The following USP6NL variants were observed in gnomAD, a reference collection of about 807,000 sequenced individuals.
The protein encoded by USP6NL is USP6 N-terminal-like protein.
Under a neutral mutation model 61.9 loss-of-function variants are expected in USP6NL, and 26 were observed. That is an observed-to-expected ratio of 0.42 (90% CI 0.31 to 0.58). The LOEUF is 0.58. USP6NL is among the 20% of genes least tolerant of loss of function. The pLI is 0.16. For missense variants in USP6NL, 1,114 were observed against 1,034.3 expected (o/e 1.08, Z -1.06); for synonymous variants, 432 against 390.1 (o/e 1.11, Z -1.27).
chr10:11,542,093 AAGTG>A (rs576521884), intron 2 of USP6NL, among the ~76,000 whole-genome samples: 198 of 152,298 alleles, frequency 1.3e-3, no homozygotes, highest in Non-Finnish European at 2.2e-3. Context: ...GCCAATCATT[AAGTG>A]AATGACAATC....
intron 7 of USP6NL, 59 bp from the exon 8 acceptor site, chr10:11,493,287 T>C: frequency 1.4e-6 from 2 of 1,397,410 alleles, no homozygotes; most frequent in Non-Finnish European, 2.0e-6. Context: ...TTGAAAACTC[T>C]ATGACAAATA....
intron 5 of USP6NL, among the ~76,000 whole-genome samples, chr10:11,514,165 GGC>G (rs1834852592): frequency 6.6e-6 from 1 of 151,250 alleles, no homozygotes. Context: ...TTTGAGACAG[GGC>G]GCATATCATG....
rs888719292 is a variant in USP6NL, at chr10:11,489,452, T to A, written c.544-230A>T. On this transcript the variant is annotated intron_variant, in intron 9 of 14. Transcript: ENST00000609104. This position sits in a 1 kb window ranked among gnomAD's most constrained non-coding sequence, Gnocchi z 5.7. ...AGTCTAAATTGCTACATATTTTTAT[T>A]GGACTCGGTCTTCAATACTGTCACA... 1.3e-5 allele frequency among the ~76,000 whole-genome samples: 2 copies of A among 152,250 alleles called. No individual in the cohort carries two copies. The highest frequency in any genetic ancestry group is 4.1e-4 in the South Asian group (2 of 4,834).
intron 2 of USP6NL, among the ~76,000 whole-genome samples, chr10:11,531,691 T>TATC (rs1361701517): frequency 1.5e-3 from 227 of 152,120 alleles, no homozygotes; most frequent in Admixed American, 3.7e-3. Context: ...AAAACTACAT[T>TATC]ATCCAAGCCA....
At position 11,503,484 on chromosome 10, in the gene USP6NL, A is replaced by T. The variant is rs185678274; in HGVS notation, c.277-2276T>A. 4.8e-3 allele frequency among the ~76,000 whole-genome samples: 729 copies of T among 152,282 alleles called. 4 individuals carry two copies. Among genetic ancestry groups the T allele is most frequent in the South Asian group, 0.01 (50 of 4,818 alleles). The stretch of plus-strand genomic sequence containing the variant: ...AAGTAGGAAATCTGGGGGTGGAAAT[A>T]AAAAATTAATGGTCCCCATACTAGT... On this transcript the variant is annotated intron_variant, in intron 6 of 14. Coordinates refer to ENST00000609104, the MANE Select transcript of USP6NL (RefSeq NM_014688.5).
In USP6NL at chr10:11,470,912, G is replaced by C. The variant is rs117899488; in HGVS notation, c.1079-7063C>G. ...AAAACACAGGAATTGGAGGCCTGGC[G>C]TGGTGGCTCACGCCTGTAATCCCAG... On this transcript the variant is annotated intron_variant, in intron 14 of 14. Coordinates refer to ENST00000609104, the MANE Select transcript of USP6NL (RefSeq NM_014688.5). This position sits in a 1 kb window ranked among gnomAD's most constrained non-coding sequence, Gnocchi z 5.4. Among the ~76,000 whole-genome samples the C allele has an allele frequency of 0.027, 4,144 of 152,306 alleles. 78 individuals are homozygous for C. The highest frequency in any genetic ancestry group is 0.045 in the Non-Finnish European group (3,083 of 68,014).
In USP6NL at chr10:11,595,394, G is replaced by A. The variant is rs1425854747; in HGVS notation, c.4+2237C>T. On this transcript the variant is annotated intron_variant, in intron 2 of 14. Transcript: ENST00000609104. The surrounding 1 kb of genome is among the most constrained non-coding windows in gnomAD (Gnocchi z 5.3). The stretch of plus-strand genomic sequence containing the variant: ...GAGCCAGGCTCTGTGCCTAAAGCCA[G>A]AGACTGGGGTGGCACTTTTCCTTAA... Among the ~76,000 whole-genome samples, 1 of 152,212 alleles carries A rather than the reference G, an allele frequency of 6.6e-6. No individual in the cohort carries two copies. The highest frequency in any genetic ancestry group is 2.4e-5 in the African/African-American group (1 of 41,450).
chr10:11,546,819 C>T (rs1836288210), intron 2 of USP6NL, among the ~76,000 whole-genome samples: 1 of 152,170 alleles, frequency 6.6e-6, no homozygotes, highest in South Asian at 2.1e-4. Flanking sequence ...TAATTGCCTA[C>T]TTCCTTTTAA....
chr10:11,562,945 G>A lies in USP6NL; in HGVS notation c.4+34686C>T, dbSNP rs1836996280. Reference sequence around the variant, plus strand: ...CACAGAAATAAAAATTTATATTTATGTCGACACAAAAATCTGAATGTTCAT... The same window carrying A: ...CACAGAAATAAAAATTTATATTTATATCGACACAAAAATCTGAATGTTCAT... On this transcript the variant is annotated intron_variant, in intron 2 of 14. Coordinates refer to ENST00000609104, the MANE Select transcript of USP6NL (RefSeq NM_014688.5). This position sits in a 1 kb window ranked among gnomAD's most constrained non-coding sequence, Gnocchi z 4.8. 2 of 215,272 alleles carry A rather than the reference G, an allele frequency of 9.3e-6. No homozygotes were observed. Among genetic ancestry groups the A allele is most frequent in the African/African-American group, 4.7e-5 (2 of 42,450 alleles). The allele number at this position is 215,272 out of a possible 1,614,324, so 13.3% of individuals were successfully genotyped here.
At position 11,481,795 on chromosome 10, in the gene USP6NL, C is replaced by T. The variant is rs1833209853; in HGVS notation, c.1053G>A (p.Arg351=). 3.1e-6 allele frequency: 5 copies of T among 1,611,892 alleles called. No homozygotes were observed. Among genetic ancestry groups the T allele is most frequent in the African/African-American group, 2.7e-5 (2 of 74,756 alleles). The change falls in exon 14 of 15, where the codon CGG becomes CGA. Residue 351 remains arginine (R), a synonymous_variant. Transcript: ENST00000609104. This position sits in a 1 kb window ranked among gnomAD's most constrained non-coding sequence, Gnocchi z 4.4. ...QLQISMTELK[R]AKLDLPEPGK... ...CAGGTTCTGGAAGGTCTAACTTTGCCCGCTTTAGTTCTGTCATAGAAATCT... is the reference window on the plus strand; with the variant it reads ...CAGGTTCTGGAAGGTCTAACTTTGCTCGCTTTAGTTCTGTCATAGAAATCT...
chr10:11,510,939 T>C lies in USP6NL; in HGVS notation c.196-1264A>G, dbSNP rs1038440369. Among the ~76,000 whole-genome samples, 1 of 152,202 alleles carries C rather than the reference T, an allele frequency of 6.6e-6. No homozygotes were observed. The highest frequency in any genetic ancestry group is 1.5e-5 in the Non-Finnish European group (1 of 68,034). ...CTGTCCTCTGCCCTAGTTCAGGCAA[T>C]CATCATTCCTGGATGGAAGCAGCAG... is the stretch of plus-strand genomic sequence containing the variant. On this transcript the variant is annotated intron_variant, in intron 5 of 14. Coordinates refer to ENST00000609104, the MANE Select transcript of USP6NL (RefSeq NM_014688.5). The surrounding 1 kb of genome is among the most constrained non-coding windows in gnomAD (Gnocchi z 4.8).
intron 3 of USP6NL, among the ~76,000 whole-genome samples, chr10:11,526,409 T>C (rs1453632901): frequency 6.6e-6 from 1 of 152,166 alleles, no homozygotes; most frequent in Non-Finnish European, 1.5e-5. Flanking sequence ...CCCAGCACGA[T>C]GCCTGGACTG....
rs1402744174 is a variant in USP6NL at position 11,553,472 on chromosome 10, G to A, written c.5-25905C>T. Among the ~76,000 whole-genome samples, 1 of 152,172 alleles carries A rather than the reference G, an allele frequency of 6.6e-6. No homozygotes were observed. The highest frequency in any genetic ancestry group is 2.4e-5 in the African/African-American group (1 of 41,426). ...ACTACTCACTCAGGTGACCTGTTAT[G>A]TATGCCAAAACTAAATAAAAGGCTG... On this transcript the variant is annotated intron_variant, in intron 2 of 14. Coordinates refer to ENST00000609104, the MANE Select transcript of USP6NL (RefSeq NM_014688.5). This position sits in a 1 kb window ranked among gnomAD's most constrained non-coding sequence, Gnocchi z 4.8.
Position 11,462,495 on chromosome 10 carries a change from G to T in USP6NL, c.2433C>A (p.Ala811=). Reference sequence around the variant, plus strand: ...GCCCGTCCCGATTCCTGTAGTGGTAGGCTGGAGGCGGGGGCCCTGAATATG... The same window carrying T: ...GCCCGTCCCGATTCCTGTAGTGGTATGCTGGAGGCGGGGGCCCTGAATATG... ...GYPYSGPPPP[A]YHYRNRDGLS... is the part of the protein sequence containing the mutation. The change falls in exon 15 of 15, where the codon GCC becomes GCA. Residue 811 remains alanine (A), a synonymous_variant. Coordinates refer to ENST00000609104, the MANE Select transcript of USP6NL (RefSeq NM_014688.5). 6.2e-7 allele frequency: 1 copy of T among 1,614,028 alleles called. No homozygotes were observed. Among genetic ancestry groups the T allele is most frequent in the African/African-American group, 1.3e-5 (1 of 75,044 alleles).
intron 7 of USP6NL, among the ~76,000 whole-genome samples, chr10:11,500,338 A>G (rs1834125064): frequency 2.0e-5 from 3 of 152,168 alleles, no homozygotes; most frequent in African/African-American, 7.2e-5. Context: ...ACTTAAAATA[A>G]AAGTTGAAGA....
Position 11,463,927 on chromosome 10 carries a change from T to C in USP6NL, c.1079-78A>G, listed in dbSNP as rs778236284. The C allele has an allele frequency of 1.7e-4, 229 of 1,330,388 alleles. No homozygotes were observed. The highest frequency in any genetic ancestry group is 1.0e-4 in the Non-Finnish European group (100 of 990,338). 82.4% of individuals were successfully genotyped at this position (1,330,388 alleles called of 1,614,324 possible). On this transcript the variant is annotated intron_variant, in intron 14 of 14. Transcript: ENST00000609104. This position sits in a 1 kb window ranked among gnomAD's most constrained non-coding sequence, Gnocchi z 6.3. ...AGTTGAAGCAATCCATTAGTAACAA[T>C]GGCATGCTTTTCATCTGTGCACAGA...
At chr10:11,497,891 A>G (rs950527962) in intron 7 of USP6NL, among the ~76,000 whole-genome samples, 2 of 152,180 alleles carry the variant, frequency 1.3e-5, no homozygotes, top group Non-Finnish European at 2.9e-5. Flanking sequence ...ATGGGATCAA[A>G]TGAACCCATA....
intron 6 of USP6NL, among the ~76,000 whole-genome samples, chr10:11,502,258 C>CAAA (rs58597235): frequency 1.0e-5 from 1 of 96,926 alleles, no homozygotes. Flanking sequence ...GACTCCATCT[C>CAAA]AAAAAAAAAA....
chr10:11,548,347 A>AT lies in USP6NL; in HGVS notation c.5-20781dup, dbSNP rs1836359213. ...GATCTGCAAACAAATATCCACTTTT[A>AT]TTTTCTGGCTGTTAAGTCAATTTAA... On this transcript the variant is annotated intron_variant, in intron 2 of 14. Coordinates refer to ENST00000609104, the MANE Select transcript of USP6NL (RefSeq NM_014688.5). This position sits in a 1 kb window ranked among gnomAD's most constrained non-coding sequence, Gnocchi z 4.3. 6.6e-6 allele frequency among the ~76,000 whole-genome samples: 1 copy of AT among 152,136 alleles called. No individual in the cohort carries two copies. The highest frequency in any genetic ancestry group is 2.4e-5 in the African/African-American group (1 of 41,436).
Sources: gnomAD v4.1 joint callset for allele counts (sites outside exome capture counted in the v4.1 genomes callset) on GRCh38, gnomAD v4.1.1 for gene constraint, Gnocchi (gnomAD v3.1) non-coding constraint, MANE v1.5 for transcripts, NCBI Gene and HGNC (gene_info 2026-07-23, HGNC 2026-07-21) for gene names.